FSTL4: variants seen among roughly 807,000 people sequenced by gnomAD.
The protein encoded by FSTL4 is follistatin-related protein 4.
In FSTL4, 28 loss-of-function variants were observed where a neutral mutation model predicts 78.2. The observed-to-expected ratio is 0.36, with a 90% CI of 0.27 to 0.49. The LOEUF (loss-of-function observed/expected upper bound fraction) is 0.49. FSTL4 is among the 20% of genes least tolerant of loss of function. FSTL4 has a pLI of 0.98. For missense variants in FSTL4, 922 were observed against 1,084.9 expected, an observed-to-expected ratio of 0.85 and a Z score of 2.11; for synonymous variants, 422 against 440.5, an observed-to-expected ratio of 0.96 and a Z score of 0.53.
In FSTL4 at chr5:133,341,991, T is replaced by C. The variant is rs144642347; in HGVS notation, c.410-25339A>G. Among the ~76,000 whole-genome samples the C allele has an allele frequency of 3.4e-4, 52 of 152,270 alleles. No homozygotes were observed. In the East Asian group the frequency reaches 4.3e-3, roughly 12 times the overall value. Reference sequence around the variant, plus strand: ...AGGCACTCAGGGCTTCCTGTGTGATTTCTCTGAGGCTAGAGCCATCTCCTC... The same window carrying C: ...AGGCACTCAGGGCTTCCTGTGTGATCTCTCTGAGGCTAGAGCCATCTCCTC... On this transcript the variant is annotated intron_variant, in intron 4 of 15. Coordinates refer to ENST00000265342, the MANE Select transcript of FSTL4 (RefSeq NM_015082.2).
At chr5:133,758,379 C>T in the FSTL4 span, among the ~76,000 whole-genome samples, 1 of 151,886 alleles carries the variant, frequency 6.6e-6, no homozygotes, top group Non-Finnish European at 1.5e-5. Context: ...TATAAAATGC[C>T]CTAAGAATAA....
chr5:133,623,389 A>G, the FSTL4 span, among the ~76,000 whole-genome samples: 4 of 152,060 alleles, frequency 2.6e-5, no homozygotes, highest in Non-Finnish European at 5.9e-5. Context: ...CTAAGACTAT[A>G]CAATGGAGAA....
At chr5:133,316,741 A>T (rs1206449550) in intron 4 of FSTL4, 89 bp from the exon 5 acceptor site, 1 of 1,105,226 alleles carries the variant, frequency 9.0e-7, no homozygotes, top group Admixed American at 2.2e-5. Context: ...TCTCACTCAC[A>T]AATAGCCACC....
In FSTL4 at chr5:133,199,148, C is replaced by G; in HGVS notation, c.2476G>C (p.Glu826Gln). ...GTCCCCCCCTTTATACCTGACACCT[C>G]ACACCGCAGCGTGTTTTGTCTCCCA... ...INGRQNTLRCEVSGIKGGTTV... is the reference protein window; with the variant it reads ...INGRQNTLRCQVSGIKGGTTV... The change falls in exon 16 of 16, where the codon GAG (glutamate) becomes CAG (glutamine). Residue 826 changes from glutamate (E) to glutamine (Q), a missense_variant. Transcript: ENST00000265342. The surrounding 1 kb of genome is among the most constrained non-coding windows in gnomAD (Gnocchi z 4.4). 6.3e-7 allele frequency: 1 copy of G among 1,596,208 alleles called. No homozygotes were observed. The highest frequency in any genetic ancestry group is 8.6e-7 in the Non-Finnish European group (1 of 1,168,840).
chr5:133,475,933 C>T (rs1452447982), intron 3 of FSTL4, among the ~76,000 whole-genome samples: 1 of 152,094 alleles, frequency 6.6e-6, no homozygotes, highest in Non-Finnish European at 1.5e-5. Context: ...TAATGTCCAC[C>T]CTCCAGAGGA....
At chr5:133,623,971 G>A in the FSTL4 span, among the ~76,000 whole-genome samples, 1 of 151,980 alleles carries the variant, frequency 6.6e-6, no homozygotes, top group African/African-American at 2.4e-5. Flanking sequence ...TGTTGGTGAG[G>A]ATATGAATCA....
intron 6 of FSTL4, among the ~76,000 whole-genome samples, chr5:133,305,652 C>A (rs1753640368): frequency 6.6e-6 from 1 of 152,218 alleles, no homozygotes; most frequent in Admixed American, 6.5e-5. Context: ...ATGGGCAGGG[C>A]CTGCTGTGGT....
chr5:133,570,977 G>T (rs940765562), intron 2 of FSTL4, among the ~76,000 whole-genome samples: 4 of 152,110 alleles, frequency 2.6e-5, no homozygotes, highest in Admixed American at 2.6e-4. Context: ...AGAAACCCTG[G>T]AAAAGGAAAC....
intron 11 of FSTL4, among the ~76,000 whole-genome samples, chr5:133,222,144 C>T (rs1751157125): frequency 6.6e-6 from 1 of 151,992 alleles, no homozygotes; most frequent in South Asian, 2.1e-4. Context: ...TCAGCCGCCT[C>T]CAGCGTCTGT....
At chr5:133,575,286 C>G (rs1036345768) in intron 2 of FSTL4, 4 of 152,210 alleles carry the variant, frequency 2.6e-5, no homozygotes, top group Non-Finnish European at 4.4e-5. Context: ...AAATGCTCAA[C>G]ACACATTCGT....
rs1462646450 is a variant in FSTL4 at position 133,201,932 on chromosome 5, C to T, written c.1826+1G>A. 1 of 1,577,726 alleles carries T rather than the reference C, an allele frequency of 6.3e-7. No homozygotes were observed. Reference sequence around the variant, plus strand: ...TTAGAGGCATCATGGGCCAGTCTCACCTGATGTGGTTGATGATGAGGTTTG... The same window carrying T: ...TTAGAGGCATCATGGGCCAGTCTCATCTGATGTGGTTGATGATGAGGTTTG... On this transcript the variant is annotated splice_donor_variant, in intron 15 of 15. Coordinates refer to ENST00000265342, the MANE Select transcript of FSTL4 (RefSeq NM_015082.2). LOFTEE classifies it high-confidence loss of function.
the FSTL4 span, among the ~76,000 whole-genome samples, chr5:133,785,657 A>G: frequency 2.0e-5 from 3 of 152,214 alleles, no homozygotes; most frequent in Admixed American, 2.0e-4. Context: ...AGCACAGCAC[A>G]TTGTCCAGGT....
At chr5:133,598,399 G>A (rs902510911) in intron 2 of FSTL4, among the ~76,000 whole-genome samples, 3 of 151,648 alleles carry the variant, frequency 2.0e-5, no homozygotes, top group Non-Finnish European at 2.9e-5. Context: ...CATCTCAAGA[G>A]GTGCTGGCAC....
chr5:133,496,121 C>T (rs915996896), intron 3 of FSTL4, among the ~76,000 whole-genome samples: 9 of 152,200 alleles, frequency 5.9e-5, no homozygotes, highest in South Asian at 2.1e-4. Flanking sequence ...TCGTTCACTT[C>T]TGACTATGCC....
chr5:133,751,413 A>C, the FSTL4 span, among the ~76,000 whole-genome samples: 1 of 152,250 alleles, frequency 6.6e-6, no homozygotes, highest in South Asian at 2.1e-4. Context: ...CATCTTGTAA[A>C]TATATTCCTC....
intron 6 of FSTL4, among the ~76,000 whole-genome samples, chr5:133,265,843 G>A (rs1752629878): frequency 6.6e-6 from 1 of 152,192 alleles, no homozygotes; most frequent in African/African-American, 2.4e-5. Flanking sequence ...AGGTACTGTG[G>A]TACTGTGGAC....
chr5:133,218,795 C>A (rs776409109), intron 12 of FSTL4, among the ~76,000 whole-genome samples: 2 of 152,204 alleles, frequency 1.3e-5, no homozygotes, highest in Non-Finnish European at 1.5e-5. Context: ...TACTCTCTTA[C>A]CAGCTGCATT....
intron 4 of FSTL4, among the ~76,000 whole-genome samples, chr5:133,393,155 A>C (rs1326526452): frequency 6.6e-6 from 1 of 151,882 alleles, no homozygotes; most frequent in Non-Finnish European, 1.5e-5. Context: ...CTGTCAGTTC[A>C]GTGAAGTCCT....
At chr5:133,689,683 C>T in the FSTL4 span, among the ~76,000 whole-genome samples, 5 of 152,174 alleles carry the variant, frequency 3.3e-5, no homozygotes, top group African/African-American at 1.2e-4. Flanking sequence ...CCTACTTTTT[C>T]AAGCTTATTG....
Sources: allele counts gnomAD v4.1 joint callset (sites outside exome capture counted in the v4.1 genomes callset), GRCh38; gene constraint gnomAD v4.1.1; non-coding constraint Gnocchi (gnomAD v3.1); transcripts MANE v1.5; gene names NCBI Gene and HGNC (gene_info 2026-07-23, HGNC 2026-07-21).